GDE1: variants seen among roughly 807,000 people sequenced by gnomAD.
GDE1 encodes the protein glycerophosphodiester phosphodiesterase 1.
Under a neutral mutation model 32.2 loss-of-function variants are expected in GDE1, and 24 were observed. The observed-to-expected ratio is 0.75, with a 90% confidence interval of 0.54 to 1.05. The LOEUF is 1.05. Ranked by LOEUF, GDE1 falls within the 50% of genes least tolerant of loss-of-function variation. The pLI, the probability that GDE1 is intolerant of heterozygous loss-of-function variation, is 0.00. For synonymous variants in GDE1, 159 were observed against 158.6 expected, an observed-to-expected ratio of 1.00 and a Z score of -0.02; for missense variants, 380 against 415.0, an observed-to-expected ratio of 0.92 and a Z score of 0.73.
chr16:19,505,013 G>A lies in GDE1; in HGVS notation c.716C>T (p.Pro239Leu), dbSNP rs1418150783. The A allele has an allele frequency of 6.2e-7, 1 of 1,612,368 alleles. No individual in the cohort carries two copies. Among genetic ancestry groups the A allele is most frequent in the East Asian group, 2.2e-5 (1 of 44,880 alleles). ...ATGTTTCCAGAAAGTATCATAGCGT[G>A]GTTTCCCATCTCCTGTATGGCTTAG... ...WSLSHTGDGKPRYDTFWKHFI... is the reference protein window; with the variant it reads ...WSLSHTGDGKLRYDTFWKHFI... Residue 239 changes from proline (P) to leucine (L), a missense_variant, in exon 5 of 6, where the codon CCA becomes CTA. Transcript: ENST00000353258.
chr16:19,511,791 A>G (rs1969321782), intron 2 of GDE1, among the ~76,000 whole-genome samples: 1 of 152,124 alleles, frequency 6.6e-6, no homozygotes, highest in Non-Finnish European at 1.5e-5. Context: ...TTTAGCTCCC[A>G]TATATGAGTG....
At chr16:19,512,289 T>C (rs1597234799) in intron 2 of GDE1, among the ~76,000 whole-genome samples, 1 of 152,176 alleles carries the variant, frequency 6.6e-6, no homozygotes. Flanking sequence ...TGGTACTTCA[T>C]TGTGGTTTTG....
intron 4 of GDE1, 34 bp downstream of exon 4, chr16:19,507,653 A>G (rs1969264769): frequency 9.6e-7 from 1 of 1,037,602 alleles, no homozygotes; most frequent in Non-Finnish European, 1.5e-6. Context: ...ACACCAGCTC[A>G]CCTAATATGT....
chr16:19,514,935 C>T lies in GDE1; in HGVS notation c.437+2079G>A, dbSNP rs534786216. Among the ~76,000 whole-genome samples, 362 of 152,084 alleles carry T rather than the reference C, an allele frequency of 2.4e-3. 1 individual carries two copies. The highest frequency in any genetic ancestry group is 8.2e-3 in the African/African-American group (342 of 41,484). On this transcript the variant is annotated intron_variant, in intron 2 of 5. Transcript: ENST00000353258. Reference sequence around the variant, plus strand: ...TGCAAAAATTAGCTGGGTGTGGTGGCATGTGCCTGTAATCCCAGCATTCTG... The same window carrying T: ...TGCAAAAATTAGCTGGGTGTGGTGGTATGTGCCTGTAATCCCAGCATTCTG...
rs144957791 is a variant in GDE1, at chr16:19,512,927, TTGTGTGTGTGTGTGTGTGTGTG to T, written c.438-2005_438-1984del. Among the ~76,000 whole-genome samples, 13 of 137,104 alleles carry T rather than the reference TTGTGTGTGTGTGTGTGTGTGTG, an allele frequency of 9.5e-5. 1 individual carries two copies. In the East Asian group the frequency reaches 2.3e-3, roughly 25 times the overall value. The allele number at this position is 137,104 out of a possible 152,430, so 89.9% of individuals were successfully genotyped here. A position where few individuals can be genotyped will look rare whatever the true frequency, so the allele number is the denominator to read the frequency against. On this transcript the variant is annotated intron_variant, in intron 2 of 5. Transcript: ENST00000353258. ...TATTCCACTGGTCTATGTATCTGTT[TTGTGTGTGTGTGTGTGTGTGTG>T]TGTGTGTGTGTGTGTGTGTCAGTAT...
intron 1 of GDE1, among the ~76,000 whole-genome samples, chr16:19,519,746 T>C (rs562101885): frequency 6.6e-6 from 1 of 152,236 alleles, no homozygotes; most frequent in East Asian, 1.9e-4. Flanking sequence ...GCACTTTGCC[T>C]GTAATCCCAG....
intron 2 of GDE1, among the ~76,000 whole-genome samples, chr16:19,513,589 G>C (rs1040292935): frequency 5.9e-5 from 9 of 151,918 alleles, no homozygotes; most frequent in Non-Finnish European, 1.2e-4. Context: ...TTCCAATTTG[G>C]ATGCCTTTTA....
intron 3 of GDE1, among the ~76,000 whole-genome samples, chr16:19,510,510 C>T (rs928485514): frequency 7.2e-5 from 11 of 151,942 alleles, no homozygotes; most frequent in African/African-American, 2.4e-4. Context: ...TCAAGTAACT[C>T]AAGGTTACTA....
intron 3 of GDE1, among the ~76,000 whole-genome samples, chr16:19,509,159 G>A (rs1272767915): frequency 3.9e-5 from 6 of 152,094 alleles, no homozygotes; most frequent in East Asian, 1.9e-4. Flanking sequence ...AAAATTAGCC[G>A]GGTGTGATGG....
chr16:19,512,618 T>A (rs990980270), intron 2 of GDE1, among the ~76,000 whole-genome samples: 2 of 152,214 alleles, frequency 1.3e-5, no homozygotes, highest in African/African-American at 4.8e-5. Flanking sequence ...GTCTTAGCCA[T>A]AAAATCTTTG....
At chr16:19,507,231 TAAG>T (rs1396204390) in intron 4 of GDE1, among the ~76,000 whole-genome samples, 4 of 152,040 alleles carry the variant, frequency 2.6e-5, no homozygotes, top group African/African-American at 7.2e-5. Flanking sequence ...ATGGATGGAA[TAAG>T]ATTTGCTTCA....
In GDE1 at chr16:19,514,988, C is replaced by T. The variant is rs552906941; in HGVS notation, c.437+2026G>A. The stretch of plus-strand genomic sequence containing the variant: ...GGCTGAGGCAGGAGAATCACTTGAA[C>T]CCGGGAGGTGGAGGTTGCAGTGAGC... On this transcript the variant is annotated intron_variant, in intron 2 of 5. Transcript: ENST00000353258. 4.7e-5 allele frequency among the ~76,000 whole-genome samples: 7 copies of T among 148,122 alleles called. No individual in the cohort carries two copies. In the South Asian group the frequency reaches 1.5e-3, roughly 31 times the overall value.
intron 3 of GDE1, among the ~76,000 whole-genome samples, chr16:19,510,431 C>T (rs2074168): frequency 6.6e-6 from 1 of 151,984 alleles, no homozygotes; most frequent in Non-Finnish European, 1.5e-5. Context: ...CCATAGTTGT[C>T]CATATAAGGC....
intron 2 of GDE1, among the ~76,000 whole-genome samples, chr16:19,513,063 T>G (rs1337664724): frequency 4.6e-5 from 7 of 152,012 alleles, no homozygotes; most frequent in Non-Finnish European, 1.0e-4. Flanking sequence ...TTGTCCTTTT[T>G]GTTCAGTATT....
chr16:19,505,157 A>T, intron 4 of GDE1, 65 bp from the exon 5 acceptor site: 3 of 1,120,456 alleles, frequency 2.7e-6, no homozygotes, highest in Non-Finnish European at 4.1e-6. Context: ...ATTAGTTTAG[A>T]TTTAGCCAAT....
Position 19,517,316 on chromosome 16 carries a change from C to T in GDE1, c.262-127G>A, listed in dbSNP as rs946904688. 4 of 696,446 alleles carry T rather than the reference C, an allele frequency of 5.7e-6. No individual in the cohort carries two copies. In the South Asian group the frequency reaches 7.0e-5, roughly 12 times the overall value. 43.1% of individuals were successfully genotyped at this position (696,446 alleles called of 1,614,324 possible). A position where few individuals can be genotyped will look rare whatever the true frequency, so the allele number is the denominator to read the frequency against. The stretch of plus-strand genomic sequence containing the variant: ...TTTGATTCATTTTCCTTCCACTTCC[C>T]CCACCAAACAGCAATCCTGATCTGT... On this transcript the variant is annotated intron_variant, in intron 1 of 5. Transcript: ENST00000353258.
Position 19,507,747 on chromosome 16 carries a change from T to C in GDE1, c.576A>G (p.Glu192=), listed in dbSNP as rs1969266881. The C allele has an allele frequency of 1.9e-6, 3 of 1,562,088 alleles. No homozygotes were observed. The highest frequency in any genetic ancestry group is 2.6e-6 in the Non-Finnish European group (3 of 1,133,740). Residue 192 remains glutamate (E), a synonymous_variant, in exon 4 of 6, where the codon GAA becomes GAG. Coordinates refer to ENST00000353258, the MANE Select transcript of GDE1 (RefSeq NM_016641.4). ...ATEALKKMYM[E]FPQLYNNSVV... is the part of the protein sequence containing the mutation. ...CACTATTATTATACAGTTGAGGAAA[T>C]TCCATATACATTTTCTTTAGAGCCT...
At position 19,507,168 on chromosome 16, in the gene GDE1, A is replaced by G. The variant is rs1055254670; in HGVS notation, c.636+519T>C. 1.3e-4 allele frequency among the ~76,000 whole-genome samples: 19 copies of G among 151,432 alleles called. No individual in the cohort carries two copies. In the East Asian group the frequency reaches 2.3e-3, roughly 19 times the overall value. ...AATAAATAAATAAATAAATAAATAA[A>G]TAAATAAATAAATAAAATGGCATCA... On this transcript the variant is annotated intron_variant, in intron 4 of 5. Coordinates refer to ENST00000353258, the MANE Select transcript of GDE1 (RefSeq NM_016641.4).
intron 2 of GDE1, among the ~76,000 whole-genome samples, chr16:19,512,927 TTGTGTGTGTGTGTGTG>T (rs144957791): frequency 6.6e-5 from 9 of 137,006 alleles, no homozygotes; most frequent in South Asian, 2.5e-4. Context: ...TGTATCTGTT[TTGTGTGTGTGTGTGTG>T]TGTGTGTGTG....
Sources: allele counts gnomAD v4.1 joint callset (sites outside exome capture counted in the v4.1 genomes callset), GRCh38; gene constraint gnomAD v4.1.1; transcripts MANE v1.5; gene names NCBI Gene and HGNC (gene_info 2026-07-23, HGNC 2026-07-21).